Variants in GSN observed in about 807,000 individuals in gnomAD.
GSN encodes the protein actin-depolymerizing factor.
GSN carries 56 observed loss-of-function variants against 85.7 expected under a neutral mutation model. The ratio of observed to expected loss-of-function variants is 0.65; its 90% CI spans 0.53 to 0.82. The LOEUF (loss-of-function observed/expected upper bound fraction) is 0.82. GSN is among the 40% of genes least tolerant of loss of function. The pLI is 0.00. For synonymous variants in GSN, 373 were observed against 399.1 expected, an observed-to-expected ratio of 0.93 and a Z score of 0.78; for missense variants, 857 against 979.8, an observed-to-expected ratio of 0.87 and a Z score of 1.67.
At chr9:121,264,201 C>T (rs2055149476), upstream of GSN, among the ~76,000 whole-genome samples, 1 of 152,110 alleles carries the variant, frequency 6.6e-6, no homozygotes. Flanking sequence ...CTCCTATAAT[C>T]CCAGCACTTT....
At chr9:121,258,559 A>G (rs758909830) in intron 6 of GSN, among the ~76,000 whole-genome samples, 1 of 152,322 alleles carries the variant, frequency 6.6e-6, no homozygotes, top group Non-Finnish European at 1.5e-5. Context: ...TATCTGATAC[A>G]AATCTAGAAG....
rs538802649 is a variant in GSN, at chr9:121,325,453, G to GT, written c.1416+810dup. Reference sequence around the variant, plus strand: ...AATGCCATGATTTGAGGCTAGAGAGGTGCTCAGAGGGGCCAGACCACCAGA... The same window carrying GT: ...AATGCCATGATTTGAGGCTAGAGAGGTTGCTCAGAGGGGCCAGACCACCAGA... On this transcript the variant is annotated intron_variant, in intron 12 of 17. Transcript: ENST00000432226. 7.7e-3 allele frequency among the ~76,000 whole-genome samples: 1,167 copies of GT among 152,246 alleles called. 11 individuals are homozygous for GT. Among genetic ancestry groups the GT allele is most frequent in the Non-Finnish European group, 0.012 (822 of 68,028 alleles).
intron 11 of GSN, among the ~76,000 whole-genome samples, chr9:121,324,035 A>C (rs998455236): frequency 1.3e-5 from 2 of 152,242 alleles, no homozygotes; most frequent in African/African-American, 4.8e-5. Flanking sequence ...AAGAGGTGGG[A>C]TAGAAAGGCA....
intron 1 of GSN, among the ~76,000 whole-genome samples, chr9:121,270,292 C>A (rs182463814): frequency 6.6e-6 from 1 of 152,284 alleles, no homozygotes; most frequent in African/African-American, 2.4e-5. Flanking sequence ...CAATGAAGAG[C>A]TGAGAAAGGG....
At chr9:121,249,412 G>A (rs2054770634) in intron 6 of GSN, among the ~76,000 whole-genome samples, 1 of 152,182 alleles carries the variant, frequency 6.6e-6, no homozygotes, top group African/African-American at 2.4e-5. Flanking sequence ...GGGAGGTGGA[G>A]GCTGCAGTGA....
chr9:121,331,932 C>T (rs1034568928), intron 17 of GSN: 2 of 205,630 alleles, frequency 9.7e-6, no homozygotes, highest in Middle Eastern at 2.1e-3. Flanking sequence ...GGTGTACACC[C>T]GTGGTCCCAG....
chr9:121,209,010 C>G (rs2053927086), intron 1 of GSN, among the ~76,000 whole-genome samples: 1 of 152,232 alleles, frequency 6.6e-6, no homozygotes, highest in Admixed American at 6.5e-5. Flanking sequence ...AATAGCATTC[C>G]TTTGCCTCGT....
At chr9:121,300,621 A>C (rs896420355) in intron 2 of GSN, among the ~76,000 whole-genome samples, 1 of 151,338 alleles carries the variant, frequency 6.6e-6, no homozygotes, top group Non-Finnish European at 1.5e-5. Context: ...TTTGTCCTCG[A>C]CTCCAGCCTA....
chr9:121,325,380 C>G (rs941760134), intron 12 of GSN, among the ~76,000 whole-genome samples: 1 of 152,030 alleles, frequency 6.6e-6, no homozygotes, highest in African/African-American at 2.4e-5. Context: ...GGTACACATG[C>G]AAAGGCCCTG....
In GSN at chr9:121,317,142, C is replaced by T. The variant is rs776082999; in HGVS notation, c.810C>T (p.Phe270=). The T allele has an allele frequency of 1.8e-5, 29 of 1,613,966 alleles. No homozygotes were observed. Among genetic ancestry groups the T allele is most frequent in the Non-Finnish European group, 2.2e-5 (26 of 1,179,918 alleles). The change falls in exon 8 of 18, where the codon TTC becomes TTT. Residue 270 remains phenylalanine (F), a synonymous_variant. Transcript: ENST00000432226. ...CCCTCGTGGCTGATGAGAACCCCTT[C>T]GCCCAGGGGGCCCTGAAGTCAGAGG... ...SVSLVADENP[F]AQGALKSEDC...
At chr9:121,323,799 T>C (rs2062805250) in intron 11 of GSN, among the ~76,000 whole-genome samples, 1 of 152,184 alleles carries the variant, frequency 6.6e-6, no homozygotes, top group African/African-American at 2.4e-5. Context: ...CCCTTAACAC[T>C]TTTAAAGGGT....
At chr9:121,273,897 C>A (rs1199561253) in intron 1 of GSN, among the ~76,000 whole-genome samples, 2 of 152,080 alleles carry the variant, frequency 1.3e-5, no homozygotes, top group Admixed American at 6.5e-5. Context: ...AGATCACCCC[C>A]AAAGAACCAA....
At chr9:121,327,750 G>C (rs1175701907) in intron 14 of GSN, among the ~76,000 whole-genome samples, 1 of 152,168 alleles carries the variant, frequency 6.6e-6, no homozygotes. Context: ...AAGGCGGGCG[G>C]ATCACCTGAG....
At chr9:121,307,759 C>T (rs1269296976) in intron 4 of GSN, among the ~76,000 whole-genome samples, 3 of 152,198 alleles carry the variant, frequency 2.0e-5, no homozygotes, top group Non-Finnish European at 2.9e-5. Context: ...CACAGGTGAG[C>T]GCAGGTTGTT....
intron 1 of GSN, chr9:121,280,705 G>A (rs1436813588): frequency 6.6e-6 from 1 of 152,128 alleles, no homozygotes; most frequent in African/African-American, 2.4e-5. Flanking sequence ...TTATCTCATG[G>A]TAGGTTCTAA....
At chr9:121,296,215 C>CG (rs2059207468) in intron 2 of GSN, among the ~76,000 whole-genome samples, 1 of 152,208 alleles carries the variant, frequency 6.6e-6, no homozygotes. Context: ...GCTTGGTCTC[C>CG]GCAGACAGAG....
At position 121,326,494 on chromosome 9, in the gene GSN, C is replaced by T; in HGVS notation, c.1417-18C>T. On this transcript the variant is annotated intron_variant, in intron 12 of 17. Coordinates refer to ENST00000432226, the MANE Select transcript of GSN (RefSeq NM_198252.3). ...CTGCCCCCAAGGTCCCTGACTTGCT[C>T]TCCTGTCTCCCTGCCAGAGCCGTGT... 1.2e-6 allele frequency: 2 copies of T among 1,612,160 alleles called. No homozygotes were observed. The highest frequency in any genetic ancestry group is 1.7e-6 in the Non-Finnish European group (2 of 1,178,922).
intron 4 of GSN, among the ~76,000 whole-genome samples, chr9:121,212,990 G>A (rs1282997245): frequency 4.6e-5 from 7 of 151,994 alleles, no homozygotes; most frequent in Non-Finnish European, 8.8e-5. Context: ...AGAGATTGGA[G>A]GGAAAGCTAA....
intron 2 of GSN, among the ~76,000 whole-genome samples, chr9:121,295,474 C>G (rs2059123164): frequency 6.6e-6 from 1 of 152,192 alleles, no homozygotes; most frequent in South Asian, 2.1e-4. Context: ...CCTGGAAAAT[C>G]AAGAACAACA....
Sources: allele counts gnomAD v4.1 joint callset (sites outside exome capture counted in the v4.1 genomes callset), GRCh38; gene constraint gnomAD v4.1.1; transcripts MANE v1.5; gene names NCBI Gene and HGNC (gene_info 2026-07-23, HGNC 2026-07-21).